Variants in SULT2B1 observed in about 807,000 individuals in gnomAD.
SULT2B1 encodes sulfotransferase family 2B member 1.
In SULT2B1, 16 loss-of-function variants were observed where a neutral mutation model predicts 33.2. The ratio of observed to expected loss-of-function variants is 0.48; its 90% confidence interval spans 0.33 to 0.73. SULT2B1 has a LOEUF of 0.73. Among genes scored for constraint, SULT2B1 ranks in the 30% least tolerant of loss-of-function variants. The pLI, the probability that SULT2B1 is intolerant of heterozygous loss-of-function variation, is 0.02. For missense variants in SULT2B1, 500 were observed against 506.0 expected (o/e 0.99, Z 0.11); for synonymous variants, 186 against 200.5 (o/e 0.93, Z 0.61).
At chr19:48,572,423 G>C (rs1289643759) in intron 1 of SULT2B1, among the ~76,000 whole-genome samples, 1 of 152,028 alleles carries the variant, frequency 6.6e-6, no homozygotes, top group Non-Finnish European at 1.5e-5. Context: ...TGAGGCAGGA[G>C]AATAGCTTGA....
At chr19:48,557,233 G>A (rs1012513357) in intron 1 of SULT2B1, among the ~76,000 whole-genome samples, 9 of 150,132 alleles carry the variant, frequency 6.0e-5, no homozygotes, top group Admixed American at 1.3e-4. Context: ...GGTTCATTAT[G>A]AATTATGAGA....
intron 1 of SULT2B1, among the ~76,000 whole-genome samples, chr19:48,574,179 G>A (rs754605303): frequency 1.3e-5 from 2 of 152,124 alleles, no homozygotes; most frequent in Non-Finnish European, 2.9e-5. Context: ...AGTTTTCAAA[G>A]TATCCACAGC....
In SULT2B1 at chr19:48,552,810, C is replaced by T. The variant is rs561692908; in HGVS notation, c.71+487C>T. Among the ~76,000 whole-genome samples, 7 of 152,062 alleles carry T rather than the reference C, an allele frequency of 4.6e-5. No individual in the cohort carries two copies. The highest frequency in any genetic ancestry group is 6.6e-5 in the Admixed American group (1 of 15,258). ...AAGCTGTGTTCTAGGGCACTTGGGG[C>T]GGAGAGGGCAGGCTCTGGACTCTTC... is the stretch of plus-strand genomic sequence containing the variant. On this transcript the variant is annotated intron_variant, in intron 1 of 6. Transcript: ENST00000201586. The surrounding 1 kb of genome is among the most constrained non-coding windows in gnomAD (Gnocchi z 4.8).
intron 1 of SULT2B1, among the ~76,000 whole-genome samples, chr19:48,567,080 T>C (rs1253162794): frequency 6.6e-6 from 1 of 152,144 alleles, no homozygotes; most frequent in Non-Finnish European, 1.5e-5. Context: ...AAACTCCTTT[T>C]GAGTGGCTGA....
At chr19:48,569,929 G>A (rs1431390912) in intron 1 of SULT2B1, among the ~76,000 whole-genome samples, 2 of 152,036 alleles carry the variant, frequency 1.3e-5, no homozygotes, top group East Asian at 1.9e-4. Context: ...GCTTCCTAAA[G>A]TGCTGGGATT....
intron 3 of SULT2B1, among the ~76,000 whole-genome samples, chr19:48,588,976 G>A (rs1973605776): frequency 6.6e-6 from 1 of 152,234 alleles, no homozygotes; most frequent in South Asian, 2.1e-4. Flanking sequence ...TGGGCCCGGT[G>A]CGGACTTGAG....
chr19:48,594,338 G>A (rs1336860240), intron 5 of SULT2B1, among the ~76,000 whole-genome samples: 3 of 152,166 alleles, frequency 2.0e-5, no homozygotes, highest in African/African-American at 7.2e-5. Context: ...TTTTATCGAC[G>A]AGGAAACTGG....
At chr19:48,569,362 ACATATAT>A (rs1430186493) in intron 1 of SULT2B1, among the ~76,000 whole-genome samples, 17 of 130,178 alleles carry the variant, frequency 1.3e-4, no homozygotes, top group African/African-American at 3.8e-4. Flanking sequence ...AAAAAAAAAA[ACATATAT>A]ATATATATAT....
At chr19:48,561,811 C>T (rs1431896580) in intron 1 of SULT2B1, among the ~76,000 whole-genome samples, 1 of 152,144 alleles carries the variant, frequency 6.6e-6, no homozygotes, top group Non-Finnish European at 1.5e-5. Context: ...GCCCCACTCC[C>T]CTCTTCTCCA....
intron 1 of SULT2B1, among the ~76,000 whole-genome samples, chr19:48,572,616 G>GCC: frequency 6.6e-6 from 1 of 152,274 alleles, no homozygotes; most frequent in East Asian, 1.9e-4. Flanking sequence ...GCCTGGAGCT[G>GCC]GTGTCTGCAG....
At chr19:48,566,376 AC>A (rs2147603069) in intron 1 of SULT2B1, among the ~76,000 whole-genome samples, 1 of 151,902 alleles carries the variant, frequency 6.6e-6, no homozygotes, top group South Asian at 2.1e-4. Context: ...GAGCCACCGC[AC>A]CCAGGCTAAA....
intron 1 of SULT2B1, among the ~76,000 whole-genome samples, chr19:48,569,363 CATATATATATATATATATATATATAT>C (rs1159840741): frequency 3.1e-3 from 102 of 33,280 alleles, no homozygotes; most frequent in Admixed American, 6.3e-3. Context: ...AAAAAAAAAA[CATATATATATATATATATATATATAT>C]ATATATATAT....
chr19:48,573,155 CAAAA>C (rs10589655), intron 1 of SULT2B1, among the ~76,000 whole-genome samples: 6 of 122,244 alleles, frequency 4.9e-5, no homozygotes, highest in Admixed American at 8.8e-5. Context: ...GACTCCATCT[CAAAA>C]AAAAAAAAAA....
intron 4 of SULT2B1, 100 bp from the exon 5 acceptor site, chr19:48,592,622 T>G (rs1485825061): frequency 9.8e-7 from 1 of 1,016,778 alleles, no homozygotes; most frequent in African/African-American, 1.6e-5. Flanking sequence ...GGGCTGGACC[T>G]GGGGGTTTGT....
In SULT2B1 at chr19:48,552,686, C is replaced by T. The variant is rs1973045399; in HGVS notation, c.71+363C>T. ...GTAGTTGCTCAGGAAACACAACAGC[C>T]TGTAGTACCCAGGACACCCCATGCA... On this transcript the variant is annotated intron_variant, in intron 1 of 6. Transcript: ENST00000201586. The surrounding 1 kb of genome is among the most constrained non-coding windows in gnomAD (Gnocchi z 4.8). Among the ~76,000 whole-genome samples the T allele has an allele frequency of 1.3e-5, 2 of 152,110 alleles. No homozygotes were observed.
chr19:48,598,320 C>T (rs59804739), intron 6 of SULT2B1, among the ~76,000 whole-genome samples: 4,217 of 151,944 alleles, frequency 0.028, 250 homozygotes, highest in East Asian at 0.24. Context: ...GGAGGGGTGC[C>T]GTGGCTCACA....
In SULT2B1 at chr19:48,598,873, G is replaced by A. The variant is rs189013027; in HGVS notation, c.827-262G>A. On this transcript the variant is annotated intron_variant, in intron 6 of 6. Coordinates refer to ENST00000201586, the MANE Select transcript of SULT2B1 (RefSeq NM_177973.2). ...TTCTGGGCAGAGACTTAAAGGGTCC[G>A]GGATAAAGGGGAGGACTGGCAGGAA... Among the ~76,000 whole-genome samples, 238 of 152,208 alleles carry A rather than the reference G, an allele frequency of 1.6e-3. 1 individual carries two copies. The highest frequency in any genetic ancestry group is 1.6e-3 in the Non-Finnish European group (112 of 68,014).
chr19:48,582,445 C>T (rs1973504991), intron 2 of SULT2B1, among the ~76,000 whole-genome samples: 2 of 152,016 alleles, frequency 1.3e-5, no homozygotes, highest in Admixed American at 1.3e-4. Context: ...TGGCATTGAA[C>T]ACACTTACCT....
At chr19:48,555,486 T>C (rs917413892) in intron 1 of SULT2B1, among the ~76,000 whole-genome samples, 2 of 150,562 alleles carry the variant, frequency 1.3e-5, no homozygotes, top group Non-Finnish European at 2.9e-5. Flanking sequence ...CCCAGAGACA[T>C]CTTCTCTCTC....
Sources: allele counts gnomAD v4.1 joint callset (sites outside exome capture counted in the v4.1 genomes callset), GRCh38; gene constraint gnomAD v4.1.1; non-coding constraint Gnocchi (gnomAD v3.1); transcripts MANE v1.5; gene names NCBI Gene and HGNC (gene_info 2026-07-23, HGNC 2026-07-21).